SHLD2: variants seen among roughly 807,000 people sequenced by gnomAD.
SHLD2 encodes RINN1-REV7-interacting novel NHEJ regulator 2.
In SHLD2, 30 loss-of-function variants were observed where a neutral mutation model predicts 73.2. That is an observed-to-expected ratio of 0.41 (90% CI 0.31 to 0.56). The LOEUF (loss-of-function observed/expected upper bound fraction) is 0.56. Among genes scored for constraint, SHLD2 ranks in the 20% least tolerant of loss-of-function variants. The pLI is 0.28. For synonymous variants in SHLD2, 285 were observed against 370.1 expected (o/e 0.77, Z 2.64); for missense variants, 745 against 1,055.9 (o/e 0.71, Z 4.08).
At chr10:87,142,956 G>T in intron 2 of SHLD2, among the ~76,000 whole-genome samples, 2 of 112,476 alleles carry the variant, frequency 1.8e-5, no homozygotes, top group African/African-American at 3.6e-5. Context: ...TAGAGACAGT[G>T]TCTCACTCTG....
At chr10:87,111,453 C>T (rs1842914537) in intron 2 of SHLD2, among the ~76,000 whole-genome samples, 2 of 151,576 alleles carry the variant, frequency 1.3e-5, no homozygotes, top group African/African-American at 2.4e-5. Flanking sequence ...CCAGTCTGGC[C>T]AACATGGTGA....
Position 87,152,137 on chromosome 10 carries a change from G to T in SHLD2, c.783G>T (p.Arg261Ser). The T allele has an allele frequency of 6.2e-7, 1 of 1,611,708 alleles. No individual in the cohort carries two copies. Among genetic ancestry groups the T allele is most frequent in the Non-Finnish European group, 8.5e-7 (1 of 1,179,750 alleles). Residue 261 changes from arginine (R) to serine (S), a missense_variant, in exon 3 of 10, where the codon AGG becomes AGT. Physicochemically the swap from Arg to Ser is moderately radical, Grantham distance 110 (BLOSUM62 -1). Transcript: ENST00000298786. The part of the protein sequence containing the change: ...VAFLAQKKDK[R>S]RSPVNKGNVN... ...TTTTAGCTCAAAAGAAAGATAAAAG[G>T]CGGAGTCCTGTAAATAAAGGGAATG... is the stretch of plus-strand genomic sequence containing the variant.
At chr10:87,140,503 T>A (rs983244024) in intron 2 of SHLD2, among the ~76,000 whole-genome samples, 1 of 151,340 alleles carries the variant, frequency 6.6e-6, no homozygotes, top group Non-Finnish European at 1.5e-5. Flanking sequence ...TTTGAGAGGC[T>A]GAGATGAGAG....
intron 2 of SHLD2, among the ~76,000 whole-genome samples, chr10:87,100,163 T>C (rs1025510221): frequency 2.0e-5 from 3 of 152,256 alleles, no homozygotes; most frequent in Non-Finnish European, 4.4e-5. Context: ...TGGTATCATA[T>C]GTAAGAAATC....
intron 2 of SHLD2, among the ~76,000 whole-genome samples, chr10:87,100,556 C>CCTTCCAGGTTCTTGAACCTGGAACCTTG (rs1176025453): frequency 1.3e-5 from 2 of 151,674 alleles, no homozygotes; most frequent in Non-Finnish European, 2.9e-5. Context: ...TGGCTCACTG[C>CCTTCCAGGTTCTTGAACCTGGAACCTTG]AACCTCTGCC....
chr10:87,149,526 C>T (rs1373188525), intron 2 of SHLD2, among the ~76,000 whole-genome samples: 1 of 151,790 alleles, frequency 6.6e-6, no homozygotes, highest in Non-Finnish European at 1.5e-5. Context: ...AGTTTGCGAC[C>T]AGCCTGGCCA....
At chr10:87,095,021 C>T (rs2133879162), upstream of SHLD2, among the ~76,000 whole-genome samples, 1 of 145,508 alleles carries the variant, frequency 6.9e-6, no homozygotes, top group East Asian at 2.0e-4. Context: ...CGGCAGCGCG[C>T]GCCGGCGGGG....
At position 87,180,162 on chromosome 10, in the gene SHLD2, T is replaced by C. The variant is rs886273484; in HGVS notation, c.2258T>C (p.Leu753Pro). The change falls in exon 8 of 10, where the codon CTG becomes CCG. Residue 753 changes from leucine to proline, a missense_variant. By Grantham distance (98) the Leu-to-Pro change is moderately conservative. Transcript: ENST00000298786. ...QKIALNAHSS[L>P]KSIFSSLPNI... is the part of the protein sequence containing the mutation. ...ATAGCGCTAAATGCTCACAGTTCTC[T>C]GAAGAGTATTTTTTCTTCTCTTCCC... The C allele has an allele frequency of 1.9e-6, 3 of 1,613,752 alleles. No homozygotes were observed. In the African/African-American group the frequency reaches 4.0e-5, roughly 22 times the overall value.
intron 2 of SHLD2, among the ~76,000 whole-genome samples, chr10:87,133,159 C>G (rs1844552058): frequency 6.6e-6 from 1 of 151,988 alleles, no homozygotes; most frequent in Non-Finnish European, 1.5e-5. Context: ...GACAGAAAGT[C>G]TCTAGCAATG....
intron 2 of SHLD2, among the ~76,000 whole-genome samples, chr10:87,140,128 G>A (rs1845079379): frequency 6.6e-6 from 1 of 152,116 alleles, no homozygotes; most frequent in Admixed American, 6.5e-5. Context: ...TTAGGAAATA[G>A]TGTCTGGGTG....
chr10:87,156,572 A>T (rs1460326507), intron 3 of SHLD2, among the ~76,000 whole-genome samples: 1 of 152,130 alleles, frequency 6.6e-6, no homozygotes, highest in Non-Finnish European at 1.5e-5. Context: ...CAGAATAAGG[A>T]CTAGGAGCTG....
chr10:87,121,038 G>A (rs1434242828), intron 2 of SHLD2, among the ~76,000 whole-genome samples: 2 of 151,950 alleles, frequency 1.3e-5, no homozygotes, highest in Non-Finnish European at 2.9e-5. Flanking sequence ...CAACAAGAGC[G>A]AAACTCTGTC....
At chr10:87,140,427 A>AT (rs1471689376) in intron 2 of SHLD2, among the ~76,000 whole-genome samples, 3 of 151,240 alleles carry the variant, frequency 2.0e-5, no homozygotes, top group Non-Finnish European at 2.9e-5. Flanking sequence ...CTCAAAAAAA[A>AT]AAAAAAAAGA....
rs1184342210 is a variant in SHLD2, at chr10:87,100,741, G to A, written c.-6+3752G>A. Among the ~76,000 whole-genome samples, 3 of 152,276 alleles carry A rather than the reference G, an allele frequency of 2.0e-5. No individual in the cohort carries two copies. The East Asian group carries it at 5.8e-4, about 29-fold the overall frequency. On this transcript the variant is annotated intron_variant, in intron 2 of 9. Transcript: ENST00000298786. Reference sequence around the variant, plus strand: ...GATCCGCCCGCCTCGGCCTCCCAAAGTGCTGGGATTACAGGCATGAGCCAC... The same window carrying A: ...GATCCGCCCGCCTCGGCCTCCCAAAATGCTGGGATTACAGGCATGAGCCAC...
At chr10:87,146,760 A>G (rs1196036353) in intron 2 of SHLD2, among the ~76,000 whole-genome samples, 3 of 152,156 alleles carry the variant, frequency 2.0e-5, no homozygotes, top group South Asian at 4.1e-4. Context: ...ACAATTATAT[A>G]TAATAACCTT....
chr10:87,162,328 C>G (rs931759914), intron 4 of SHLD2, among the ~76,000 whole-genome samples: 15 of 152,118 alleles, frequency 9.9e-5, no homozygotes, highest in African/African-American at 2.7e-4. Context: ...AGACAACTGA[C>G]AAACTTGGAG....
intron 2 of SHLD2, among the ~76,000 whole-genome samples, chr10:87,117,566 G>A (rs1843330888): frequency 6.6e-6 from 1 of 152,214 alleles, no homozygotes; most frequent in Admixed American, 6.5e-5. Context: ...GGCCGAGGTG[G>A]GCAGCTGGCT....
At chr10:87,179,702 C>T (rs1163364633) in intron 7 of SHLD2, among the ~76,000 whole-genome samples, 2 of 152,062 alleles carry the variant, frequency 1.3e-5, no homozygotes. Context: ...CGCCCGGCCC[C>T]TATTTGGCTT....
intron 2 of SHLD2, among the ~76,000 whole-genome samples, chr10:87,132,565 A>G (rs544189700): frequency 4.1e-4 from 63 of 152,284 alleles, no homozygotes; most frequent in African/African-American, 1.2e-3. Flanking sequence ...ACTTGAGCTC[A>G]GGAGTTTGAG....
Sources: allele counts gnomAD v4.1 joint callset (sites outside exome capture counted in the v4.1 genomes callset), GRCh38; gene constraint gnomAD v4.1.1; transcripts MANE v1.5; gene names NCBI Gene and HGNC (gene_info 2026-07-23, HGNC 2026-07-21).